The following LEO1 variants were observed in gnomAD, a reference collection of about 807,000 sequenced individuals.
LEO1 encodes the protein RNA polymerase-associated protein LEO1.
Under a neutral mutation model 80.4 loss-of-function variants are expected in LEO1, and 34 were observed. The ratio of observed to expected loss-of-function variants is 0.42; its 90% CI spans 0.32 to 0.56. LEO1 has a LOEUF of 0.56. Ranked by LOEUF, LEO1 falls within the 20% of genes least tolerant of loss-of-function variation. The pLI, the probability that LEO1 is intolerant of heterozygous loss-of-function variation, is 0.10. For missense variants in LEO1, 631 were observed against 814.2 expected (o/e 0.77, Z 2.74); for synonymous variants, 262 against 274.9 (o/e 0.95, Z 0.46).
chr15:51,967,956 G>T (rs1422022344), intron 1 of LEO1, among the ~76,000 whole-genome samples: 1 of 152,190 alleles, frequency 6.6e-6, no homozygotes, highest in Non-Finnish European at 1.5e-5. Context: ...AGCCAAGGTG[G>T]CTGGATCACC....
intron 4 of LEO1, 68 bp from the exon 5 acceptor site, chr15:51,960,112 T>A: frequency 7.9e-7 from 1 of 1,263,604 alleles, no homozygotes; most frequent in Non-Finnish European, 1.1e-6. Flanking sequence ...ACCTCCACAC[T>A]TTAATTACTC....
In LEO1 at chr15:51,949,790, T is replaced by C; in HGVS notation, c.1798+18A>G. ...AGAATCCCGAAATGATGAAATGTAA[T>C]TTCCATACACGACTCACCTCGAATG... On this transcript the variant is annotated intron_variant, in intron 10 of 11. Transcript: ENST00000299601. The C allele has an allele frequency of 1.2e-6, 2 of 1,603,588 alleles. No individual in the cohort carries two copies. The highest frequency in any genetic ancestry group is 3.4e-5 in the Admixed American group (2 of 59,056).
chr15:51,956,139 C>T (rs1410421150), intron 6 of LEO1, among the ~76,000 whole-genome samples: 1 of 152,124 alleles, frequency 6.6e-6, no homozygotes, highest in Admixed American at 6.6e-5. Flanking sequence ...CACAAATATG[C>T]CGGGTGCAGG....
chr15:51,948,803 GGTC>G (rs1191195290), intron 10 of LEO1, among the ~76,000 whole-genome samples: 8 of 152,224 alleles, frequency 5.3e-5, no homozygotes, highest in Admixed American at 3.3e-4. Context: ...AGGCCAGCCA[GGTC>G]TTCTTAGTTC....
At chr15:51,941,813 A>AGCTTCTG (rs2056855352) in intron 11 of LEO1, among the ~76,000 whole-genome samples, 1 of 152,210 alleles carries the variant, frequency 6.6e-6, no homozygotes. Flanking sequence ...GTTACTTTCA[A>AGCTTCTG]ATCTGTTGTT....
rs768716417 is a variant in LEO1, at chr15:51,960,720, G to A, written c.933C>T (p.Thr311=). Reference sequence around the variant, plus strand: ...CATCTGCACCTCCAAATAAATCCATGGTTCCACTATTATCTTCAATGCAGA... The same window carrying A: ...CATCTGCACCTCCAAATAAATCCATAGTTCCACTATTATCTTCAATGCAGA... ...DTEVPKDNSG[T]MDLFGGADDI... The change falls in exon 4 of 12, where the codon ACC becomes ACT. Residue 311 remains threonine, a synonymous_variant. Transcript: ENST00000299601. 3 of 1,604,184 alleles carry A rather than the reference G, an allele frequency of 1.9e-6. No individual in the cohort carries two copies. The African/African-American group carries it at 4.0e-5, about 21-fold the overall frequency.
intron 1 of LEO1, among the ~76,000 whole-genome samples, chr15:51,968,528 CA>C (rs879539323): frequency 4.6e-4 from 65 of 140,480 alleles, no homozygotes; most frequent in South Asian, 1.6e-3. Flanking sequence ...ACTCTGTCTC[CA>C]AAAAAAAAAA....
chr15:51,969,528 G>A (rs911283492), intron 1 of LEO1, among the ~76,000 whole-genome samples: 3 of 150,946 alleles, frequency 2.0e-5, no homozygotes, highest in African/African-American at 7.3e-5. Flanking sequence ...CCAGCTATTC[G>A]GGAGGATAAG....
At chr15:51,947,417 CA>C (rs1463609504) in intron 10 of LEO1, 28 bp from the exon 11 acceptor site, 2 of 1,496,524 alleles carry the variant, frequency 1.3e-6, no homozygotes, top group Non-Finnish European at 9.2e-7. Context: ...GATTGTGAGT[CA>C]CCTTTTTTTT....
intron 10 of LEO1, 32 bp from the exon 11 acceptor site, chr15:51,947,421 T>C (rs1426519214): frequency 1.3e-5 from 10 of 766,986 alleles, no homozygotes; most frequent in Admixed American, 6.4e-5. Context: ...GTGAGTCACC[T>C]TTTTTTTTTT....
At chr15:51,950,292 A>T (rs973424020) in intron 9 of LEO1, among the ~76,000 whole-genome samples, 4 of 152,194 alleles carry the variant, frequency 2.6e-5, no homozygotes, top group Admixed American at 2.6e-4. Flanking sequence ...TAACCCAGAG[A>T]GAAGCAACCC....
Position 51,966,233 on chromosome 15 carries a change from T to TG in LEO1, c.329dup (p.Glu111ArgfsTer4). 2 of 1,614,056 alleles carry TG rather than the reference T, an allele frequency of 1.2e-6. No homozygotes were observed. The highest frequency in any genetic ancestry group is 1.3e-5 in the African/African-American group (1 of 75,072). ...CGTCTTCATCATCATTAGGGGCTTC[T>TG]GATCCACTGTGCTGATCTACATCTG... On this transcript the variant is annotated frameshift_variant, in exon 2 of 12. Coordinates refer to ENST00000299601, the MANE Select transcript of LEO1 (RefSeq NM_138792.4). LOFTEE classifies it high-confidence loss of function.
chr15:51,953,108 C>CATA, intron 8 of LEO1, 21 bp downstream of exon 8: 2 of 1,593,268 alleles, frequency 1.3e-6, no homozygotes, highest in Non-Finnish European at 1.7e-6. Context: ...AGAAATAATA[C>CATA]ATAATAATAA....
chr15:51,943,971 G>C (rs1238444337), intron 11 of LEO1, among the ~76,000 whole-genome samples: 1 of 152,020 alleles, frequency 6.6e-6, no homozygotes, highest in African/African-American at 2.4e-5. Flanking sequence ...AGAAATGTGA[G>C]ACACCACTAA....
intron 8 of LEO1, among the ~76,000 whole-genome samples, chr15:51,952,861 A>G (rs1319956248): frequency 1.3e-5 from 2 of 152,238 alleles, no homozygotes; most frequent in African/African-American, 2.4e-5. Context: ...TGGCAGTTAT[A>G]ATAACCACTG....
In LEO1 at chr15:51,938,170, C is replaced by T. The variant is rs2056817060; in HGVS notation, c.1987G>A (p.Glu663Lys). ...TATTTCATACTTCAATCATCATCTT[C>T]TTCCTCTTCATCGCTGATCACATAC... ...KKYVISDEEEEDDD is the reference protein window; with the variant it reads ...KKYVISDEEEKDDD Residue 663 changes from glutamate (E) to lysine (K), a missense_variant, in exon 12 of 12, where the codon GAA (glutamate) becomes AAA (lysine). Glu to Lys is a moderately conservative substitution (Grantham distance 56). Around this residue, in one of 4 missense-constraint regions of LEO1, gnomAD observed 117 missense variants for 163.5 expected, o/e 0.72. Transcript: ENST00000299601. The T allele has an allele frequency of 1.3e-6, 2 of 1,567,738 alleles. No individual in the cohort carries two copies. Among genetic ancestry groups the T allele is most frequent in the Non-Finnish European group, 1.8e-6 (2 of 1,140,298 alleles).
intron 1 of LEO1, among the ~76,000 whole-genome samples, 181 bp downstream of exon 1, chr15:51,971,507 C>A (rs908178006): frequency 6.6e-6 from 1 of 152,194 alleles, no homozygotes; most frequent in African/African-American, 2.4e-5. Context: ...GAGGCGCAGA[C>A]TGTCTGACTC....
Position 51,971,606 on chromosome 15 carries a change from G to A in LEO1, c.58+82C>T, listed in dbSNP as rs61736798. On this transcript the variant is annotated intron_variant, in intron 1 of 11. Coordinates refer to ENST00000299601, the MANE Select transcript of LEO1 (RefSeq NM_138792.4). ...GGAGGAAACGCCACCTCTTGCCCGC[G>A]GCGCTGGAGCCTCCACGGTTGTCCG... The A allele has an allele frequency of 1.2e-3, 1,723 of 1,429,360 alleles. 3 individuals carry two copies. The highest frequency in any genetic ancestry group is 1.6e-3 in the Non-Finnish European group (1,624 of 1,016,270). 88.5% of individuals were successfully genotyped at this position (1,429,360 alleles called of 1,614,324 possible).
chr15:51,962,455 G>A lies in LEO1; in HGVS notation c.853C>T (p.Arg285Ter). 1.2e-6 allele frequency: 2 copies of A among 1,613,722 alleles called. No homozygotes were observed. Among genetic ancestry groups the A allele is most frequent in the Non-Finnish European group, 1.7e-6 (2 of 1,179,790 alleles). Reference sequence around the variant, plus strand: ...GCAATCGCATTCTTGCGTTTCATTCGTAAAACTTCATCTTCACTATCACTG... The same window carrying A: ...GCAATCGCATTCTTGCGTTTCATTCATAAAACTTCATCTTCACTATCACTG... ...RGSDSEDEVL[R>*]MKRKNAIASD... Residue 285 changes from arginine (R) to a stop codon, truncating the protein, a stop_gained, in exon 3 of 12, where the codon CGA becomes TGA. Coordinates refer to ENST00000299601, the MANE Select transcript of LEO1 (RefSeq NM_138792.4). LOFTEE classifies it high-confidence loss of function.
Sources: allele counts gnomAD v4.1 joint callset (sites outside exome capture counted in the v4.1 genomes callset), GRCh38; gene constraint gnomAD v4.1.1; regional missense constraint gnomAD v4.1.1; transcripts MANE v1.5; gene names NCBI Gene and HGNC (gene_info 2026-07-23, HGNC 2026-07-21).